The following MAST4 variants were observed in gnomAD, a reference collection of about 807,000 sequenced individuals.
The protein encoded by MAST4 is microtubule associated serine/threonine kinase family member 4.
Under a neutral mutation model 162.7 loss-of-function variants are expected in MAST4, and 89 were observed. The observed-to-expected ratio is 0.55, with a 90% confidence interval of 0.46 to 0.65. The LOEUF (loss-of-function observed/expected upper bound fraction) is 0.65, where lower values mean the gene tolerates loss of function less well. Among genes scored for constraint, MAST4 ranks in the 30% least tolerant of loss-of-function variants. MAST4 has a pLI of 0.00. For synonymous variants in MAST4, 1,479 were observed against 1,361.1 expected (o/e 1.09, Z -1.91); for missense variants, 3,153 against 3,374.0 (o/e 0.93, Z 1.62).
chr5:66,705,169 A>G (rs576234307), intron 1 of MAST4, among the ~76,000 whole-genome samples: 73 of 152,268 alleles, frequency 4.8e-4, no homozygotes, highest in African/African-American at 1.7e-3. Context: ...CTTTTTATTT[A>G]CATGTGGTAG....
chr5:66,980,891 C>T (rs369317740), intron 4 of MAST4, among the ~76,000 whole-genome samples: 14 of 152,286 alleles, frequency 9.2e-5, no homozygotes, highest in South Asian at 4.1e-4. Flanking sequence ...CTGCTTCTGA[C>T]GTTGGCAAAG....
intron 1 of MAST4, among the ~76,000 whole-genome samples, chr5:66,753,065 G>A (rs1190602443): frequency 4.0e-5 from 6 of 150,744 alleles, no homozygotes; most frequent in African/African-American, 1.5e-4. Context: ...GGTACATAAC[G>A]AAATGAAGGC....
intron 4 of MAST4, among the ~76,000 whole-genome samples, chr5:66,995,061 C>T (rs1033846690): frequency 3.9e-5 from 6 of 152,102 alleles, no homozygotes; most frequent in African/African-American, 7.2e-5. Context: ...TGAAAATACC[C>T]GTTTGCCCAG....
chr5:66,914,695 T>C (rs905304122), intron 4 of MAST4, among the ~76,000 whole-genome samples: 1 of 152,092 alleles, frequency 6.6e-6, no homozygotes, highest in Non-Finnish European at 1.5e-5. Flanking sequence ...ACAATGAAGG[T>C]CAGTTATACA....
chr5:66,927,591 T>C (rs1157234965), intron 4 of MAST4, among the ~76,000 whole-genome samples: 3 of 152,172 alleles, frequency 2.0e-5, no homozygotes, highest in Non-Finnish European at 4.4e-5. Context: ...TGATGGTGGC[T>C]GAAGGGGCTT....
chr5:66,781,968 C>A (rs1754891246), intron 2 of MAST4, among the ~76,000 whole-genome samples: 1 of 152,136 alleles, frequency 6.6e-6, no homozygotes, highest in Non-Finnish European at 1.5e-5. Flanking sequence ...CAGAGGGATA[C>A]TTCCAGCTTC....
At chr5:66,670,793 G>C (rs1231216272) in intron 1 of MAST4, among the ~76,000 whole-genome samples, 2 of 151,324 alleles carry the variant, frequency 1.3e-5, no homozygotes, top group African/African-American at 2.4e-5. Flanking sequence ...CAAAAGGTGA[G>C]ATAAGGACGT....
chr5:66,646,143 C>A (rs17269660), intron 1 of MAST4, among the ~76,000 whole-genome samples: 9 of 152,002 alleles, frequency 5.9e-5, no homozygotes, highest in Non-Finnish European at 1.3e-4. Context: ...AGTCATCCAC[C>A]CTACAACATG....
chr5:66,758,737 CA>C (rs1165502038), intron 1 of MAST4, among the ~76,000 whole-genome samples: 3 of 152,114 alleles, frequency 2.0e-5, no homozygotes, highest in African/African-American at 7.2e-5. Flanking sequence ...CCCATGAAAA[CA>C]AAACAAATCT....
chr5:67,013,374 G>T (rs958206203), intron 4 of MAST4, among the ~76,000 whole-genome samples: 1 of 152,174 alleles, frequency 6.6e-6, no homozygotes, highest in South Asian at 2.1e-4. Flanking sequence ...AACTGAAAAT[G>T]TGAAATTTGC....
At chr5:66,950,201 T>C (rs1657113238) in intron 4 of MAST4, among the ~76,000 whole-genome samples, 1 of 151,882 alleles carries the variant, frequency 6.6e-6, no homozygotes, top group South Asian at 2.1e-4. Context: ...AGTAGAGTCA[T>C]AGGGTAAGTA....
rs796351578 is a variant in MAST4, at chr5:67,026,783, G to GA, written c.675-27615dup. Among the ~76,000 whole-genome samples, 3 of 152,060 alleles carry GA rather than the reference G, an allele frequency of 2.0e-5. No homozygotes were observed. The South Asian group carries it at 6.2e-4, about 31-fold the overall frequency. ...CACAGAATTCTGTTTTAAAAAGATGGAAAAAACAATTCATTTTTTAATGAC... is the reference window on the plus strand; with the variant it reads ...CACAGAATTCTGTTTTAAAAAGATGGAAAAAAACAATTCATTTTTTAATGAC... On this transcript the variant is annotated intron_variant, in intron 4 of 28. Transcript: ENST00000403625.
intron 6 of MAST4, among the ~76,000 whole-genome samples, chr5:67,091,643 A>C (rs531085293): frequency 6.6e-6 from 1 of 152,352 alleles, no homozygotes; most frequent in Non-Finnish European, 1.5e-5. Flanking sequence ...TTTAATTATT[A>C]TAAGTAATAA....
rs1742183008 is a variant in MAST4 at position 66,931,485 on chromosome 5, T to A, written c.674+31503T>A. Among the ~76,000 whole-genome samples, 3 of 152,138 alleles carry A rather than the reference T, an allele frequency of 2.0e-5. No individual in the cohort carries two copies. The South Asian group carries it at 6.2e-4, about 32-fold the overall frequency. On this transcript the variant is annotated intron_variant, in intron 4 of 28. Coordinates refer to ENST00000403625, the MANE Select transcript of MAST4 (RefSeq NM_001164664.2). ...TTGCTGGGAGGGAGAGATGTTGCAA[T>A]GAGGTTTGTGAAAGGAGCCGAGCTA...
intron 1 of MAST4, among the ~76,000 whole-genome samples, chr5:66,732,978 A>G (rs1311980011): frequency 6.7e-6 from 1 of 150,166 alleles, no homozygotes; most frequent in Non-Finnish European, 1.5e-5. Flanking sequence ...CCTGCACCCC[A>G]CTCCTCCTTT....
At chr5:66,697,276 G>A (rs1749467914) in intron 1 of MAST4, among the ~76,000 whole-genome samples, 1 of 152,164 alleles carries the variant, frequency 6.6e-6, no homozygotes, top group Admixed American at 6.5e-5. Context: ...TGGAACATCT[G>A]TATAACTTAA....
chr5:66,859,404 TTTTAA>T (rs575397850), intron 3 of MAST4, among the ~76,000 whole-genome samples: 75 of 152,300 alleles, frequency 4.9e-4, no homozygotes, highest in African/African-American at 1.7e-3. Context: ...GGTGTTGGTA[TTTTAA>T]TTTAAGACAC....
At chr5:66,843,365 G>C (rs926606456) in intron 3 of MAST4, among the ~76,000 whole-genome samples, 10 of 152,178 alleles carry the variant, frequency 6.6e-5, no homozygotes, top group African/African-American at 2.4e-4. Context: ...CAGCAAGATA[G>C]TTCCTCTGTC....
intron 1 of MAST4, among the ~76,000 whole-genome samples, chr5:66,669,569 C>T (rs1747479535): frequency 6.6e-6 from 1 of 152,140 alleles, no homozygotes; most frequent in East Asian, 1.9e-4. Flanking sequence ...GAGCAAATAC[C>T]AGGAAAGCAG....
Sources: gnomAD v4.1 joint callset for allele counts (sites outside exome capture counted in the v4.1 genomes callset) on GRCh38, gnomAD v4.1.1 for gene constraint, MANE v1.5 for transcripts, NCBI Gene and HGNC (gene_info 2026-07-23, HGNC 2026-07-21) for gene names.